Variants in ALDH1L1 observed in about 807,000 individuals in gnomAD.
ALDH1L1 encodes aldehyde dehydrogenase 1 family member L1, also known as cytosolic 10-formyltetrahydrofolate dehydrogenase.
In ALDH1L1, 68 loss-of-function variants were observed where a neutral mutation model predicts 101.1. The ratio of observed to expected loss-of-function variants is 0.67; its 90% CI spans 0.55 to 0.82. The LOEUF is 0.82. Among genes scored for constraint, ALDH1L1 ranks in the 40% least tolerant of loss-of-function variants. ALDH1L1 has a pLI of 0.00. For synonymous variants in ALDH1L1, 486 were observed against 470.8 expected (o/e 1.03, Z -0.42); for missense variants, 1,087 against 1,172.7 (o/e 0.93, Z 1.07).
Position 126,103,729 on chromosome 3 carries a change from AGAGGGAGGGGGCCCCAGCCAC to A in ALDH1L1, c.*41_*61del, listed in dbSNP as rs1398844085. 3.2e-6 allele frequency: 5 copies of A among 1,578,510 alleles called. No individual in the cohort carries two copies. The highest frequency in any genetic ancestry group is 1.3e-5 in the African/African-American group (1 of 74,286). ...GGGAGGTGCTGTGCACCCAGGCTCA[AGAGGGAGGGGGCCCCAGCCAC>A]GAGGGAGGGGCAGGGACTTTCTTCT... On this transcript the variant is annotated 3_prime_UTR_variant, in exon 23 of 23. Coordinates refer to ENST00000393434, the MANE Select transcript of ALDH1L1 (RefSeq NM_012190.4).
At chr3:126,107,769 C>T (rs888748389) in intron 20 of ALDH1L1, 1 of 158,082 alleles carries the variant, frequency 6.3e-6, no homozygotes, top group Non-Finnish European at 1.4e-5. Flanking sequence ...GCTCCATGCT[C>T]TCCAGTCAAG....
chr3:126,182,517 C>T (rs568332691), upstream of ALDH1L1, among the ~76,000 whole-genome samples: 6 of 152,252 alleles, frequency 3.9e-5, no homozygotes, highest in South Asian at 2.1e-4. Flanking sequence ...ACAATGATGG[C>T]GAAGACTAGC....
intron 20 of ALDH1L1, among the ~76,000 whole-genome samples, chr3:126,109,652 C>A (rs1380050765): frequency 2.0e-5 from 3 of 152,184 alleles, no homozygotes; most frequent in Non-Finnish European, 2.9e-5. Flanking sequence ...AAAATCTAGT[C>A]TCATGAAATC....
intron 20 of ALDH1L1, among the ~76,000 whole-genome samples, chr3:126,107,465 G>A (rs1190787496): frequency 6.6e-6 from 1 of 152,246 alleles, no homozygotes; most frequent in Non-Finnish European, 1.5e-5. Flanking sequence ...ACGGAGTGCT[G>A]TTGAGGGAAA....
intron 2 of ALDH1L1, chr3:126,159,252 G>A (rs1444786797): frequency 5.4e-6 from 2 of 371,826 alleles, no homozygotes; most frequent in Non-Finnish European, 5.2e-6. Flanking sequence ...ACACACCCCA[G>A]AGGACCAGAT....
At chr3:126,119,226 C>G (rs1214026990) in intron 16 of ALDH1L1, among the ~76,000 whole-genome samples, 2 of 152,218 alleles carry the variant, frequency 1.3e-5, no homozygotes, top group Admixed American at 1.3e-4. Flanking sequence ...CACCCCCCAA[C>G]CAAATCGGCC....
chr3:126,114,805 CTTGCGGCTTCACACGG>C, intron 17 of ALDH1L1, 149 bp from the exon 18 acceptor site: 1 of 723,834 alleles, frequency 1.4e-6, no homozygotes, highest in Admixed American at 2.0e-5. Flanking sequence ...CCCCCCACCC[CTTGCGGCTTCACACGG>C]CCACCTGCCT....
chr3:126,154,429 A>T (rs1559957728), intron 6 of ALDH1L1, 125 bp downstream of exon 6: 3 of 968,306 alleles, frequency 3.1e-6, no homozygotes, highest in South Asian at 3.0e-5. Context: ...GGGGGCACCC[A>T]GTGGGAGTAG....
At chr3:126,153,603 G>A (rs766487380) in intron 6 of ALDH1L1, 22 bp from the exon 7 acceptor site, 1 of 1,604,062 alleles carries the variant, frequency 6.2e-7, no homozygotes, top group Non-Finnish European at 8.5e-7. Flanking sequence ...AGAAATATCA[G>A]AAGATGGTGG....
At chr3:126,186,173 G>A (rs761391194), upstream of ALDH1L1, among the ~76,000 whole-genome samples, 7 of 152,132 alleles carry the variant, frequency 4.6e-5, no homozygotes, top group Non-Finnish European at 1.0e-4. Flanking sequence ...AGTTAAAATG[G>A]TAAATTTTGG....
At chr3:126,181,258 A>G (rs1241958803), upstream of ALDH1L1, 1 of 546,380 alleles carries the variant, frequency 1.8e-6, no homozygotes, top group Non-Finnish European at 3.3e-6. Flanking sequence ...GCCGGGAGTG[A>G]TAATTGCGTA....
At chr3:126,131,711 G>A (rs550758704) in intron 12 of ALDH1L1, among the ~76,000 whole-genome samples, 177 bp from the exon 13 acceptor site, 64 of 152,348 alleles carry the variant, frequency 4.2e-4, no homozygotes, top group African/African-American at 1.4e-3. Context: ...TTACTCCACC[G>A]GATAGCTGTG....
rs2108254779 is a variant in ALDH1L1 at position 126,137,886 on chromosome 3, A to G, written c.1151T>C (p.Phe384Ser). The G allele has an allele frequency of 1.2e-6, 2 of 1,614,192 alleles. No homozygotes were observed. Among genetic ancestry groups the G allele is most frequent in the Non-Finnish European group, 1.7e-6 (2 of 1,180,030 alleles). Residue 384 changes from phenylalanine (F) to serine (S), a missense_variant, in exon 10 of 23, where the codon TTT (phenylalanine) becomes TCT (serine). By Grantham distance (155) the Phe-to-Ser change is radical. This residue lies in a region of ALDH1L1 where 645 missense variants were observed against 637.0 expected (regional missense o/e 1.01). Transcript: ENST00000393434. ...CACTAACAGCTGGATGAAGTCCCCAAAGGTGGATGCCATGTACACATCTTC... is the reference window on the plus strand; with the variant it reads ...CACTAACAGCTGGATGAAGTCCCCAGAGGTGGATGCCATGTACACATCTTC... ...ENEDVYMASTFGDFIQLLVRK... is the reference protein window; with the variant it reads ...ENEDVYMASTSGDFIQLLVRK...
chr3:126,166,146 A>G (rs1576484853), intron 1 of ALDH1L1, among the ~76,000 whole-genome samples: 2 of 151,734 alleles, frequency 1.3e-5, no homozygotes, highest in South Asian at 4.2e-4. Flanking sequence ...TCTACTTTAA[A>G]CCGCACCCCT....
At chr3:126,105,995 G>T in intron 21 of ALDH1L1, 70 bp from the exon 22 acceptor site, 1 of 1,468,180 alleles carries the variant, frequency 6.8e-7, no homozygotes, top group Non-Finnish European at 9.3e-7. Context: ...TCCACACCCC[G>T]GCCCACTCCA....
At chr3:126,127,471 T>C (rs897541943) in intron 14 of ALDH1L1, among the ~76,000 whole-genome samples, 6 of 152,008 alleles carry the variant, frequency 3.9e-5, no homozygotes, top group African/African-American at 1.4e-4. Flanking sequence ...CTGACGCTCC[T>C]GGGGAGCTGC....
intron 1 of ALDH1L1, among the ~76,000 whole-genome samples, chr3:126,189,858 C>A (rs550281297): frequency 3.0e-4 from 46 of 152,266 alleles, no homozygotes; most frequent in Non-Finnish European, 5.3e-4. Context: ...CCCGCAAAGC[C>A]AATGGTAGTG....
Position 126,107,233 on chromosome 3 carries a change from C to T in ALDH1L1, c.2361G>A (p.Glu787=). 1 of 1,613,980 alleles carries T rather than the reference C, an allele frequency of 6.2e-7. No individual in the cohort carries two copies. Among genetic ancestry groups the T allele is most frequent in the South Asian group, 1.1e-5 (1 of 91,078 alleles). Residue 787 remains glutamate (E), a synonymous_variant, in exon 21 of 23, where the codon GAG becomes GAA. Coordinates refer to ENST00000393434, the MANE Select transcript of ALDH1L1 (RefSeq NM_012190.4). ...CTTCCACGTCTGTGAAAACAGTTGG[C>T]TCAAAGAAGAACCCTGCAAGAGAGA... ...NQVPRPGFFF[E]PTVFTDVEDH... is the part of the protein sequence containing the mutation.
chr3:126,146,806 G>A (rs547261696), intron 9 of ALDH1L1, 29 bp downstream of exon 9: 4 of 1,609,414 alleles, frequency 2.5e-6, no homozygotes, highest in Non-Finnish European at 3.4e-6. Flanking sequence ...CAAGTACCTG[G>A]GACAGGACCC....
Sources: allele counts gnomAD v4.1 joint callset (sites outside exome capture counted in the v4.1 genomes callset), GRCh38; gene constraint gnomAD v4.1.1; regional missense constraint gnomAD v4.1.1; transcripts MANE v1.5; gene names NCBI Gene and HGNC (gene_info 2026-07-23, HGNC 2026-07-21).